The following UQCC1 variants were observed in gnomAD, a reference collection of about 807,000 sequenced individuals.
The protein encoded by UQCC1 is ubiquinol-cytochrome c reductase complex assembly factor 1.
In UQCC1, 38 loss-of-function variants were observed where a neutral mutation model predicts 48.0. The observed-to-expected ratio is 0.79, with a 90% CI of 0.61 to 1.04. The LOEUF (loss-of-function observed/expected upper bound fraction) is 1.04. UQCC1 is among the 50% of genes least tolerant of loss of function. The probability of loss-of-function intolerance (pLI) is 0.00; values close to 1 mark genes in which losing one functional copy is unlikely to be tolerated. For synonymous variants in UQCC1, 111 were observed against 129.2 expected, an observed-to-expected ratio of 0.86 and a Z score of 0.95; for missense variants, 368 against 381.8, an observed-to-expected ratio of 0.96 and a Z score of 0.30.
At chr20:35,381,769 T>C (rs1020843223) in intron 4 of UQCC1, 149 bp downstream of exon 4, 2 of 615,172 alleles carry the variant, frequency 3.3e-6, no homozygotes, top group Non-Finnish European at 5.9e-6. Context: ...TGGTGATCAA[T>C]GGGGTGACAG....
rs748473219 is a variant in UQCC1, at chr20:35,306,659, C to T, written c.765+7G>A. The T allele has an allele frequency of 1.1e-4, 173 of 1,610,236 alleles. No individual in the cohort carries two copies. The highest frequency in any genetic ancestry group is 1.7e-4 in the Admixed American group (10 of 59,978). ...GGACTTGGGAGGGGAGGGAAAGGGT[C>T]ACTCACCTGTTTCCTCACATACTCT... On this transcript the variant is annotated splice_region_variant and intron_variant, in intron 9 of 9. Coordinates refer to ENST00000374385, the MANE Select transcript of UQCC1 (RefSeq NM_018244.5).
intron 6 of UQCC1, among the ~76,000 whole-genome samples, chr20:35,348,842 C>T (rs1029713912): frequency 9.9e-5 from 15 of 152,130 alleles, no homozygotes; most frequent in South Asian, 2.1e-4. Context: ...TTTGTAGAGA[C>T]GGGGGTCTCA....
intron 8 of UQCC1, chr20:35,309,089 G>A (rs1600849168): frequency 2.2e-6 from 1 of 454,072 alleles, no homozygotes; most frequent in East Asian, 7.0e-5. Flanking sequence ...GAACCAGCAT[G>A]CATTGATGAG....
At chr20:35,361,805 G>GTAAA (rs1263423790) in intron 6 of UQCC1, among the ~76,000 whole-genome samples, 1 of 152,082 alleles carries the variant, frequency 6.6e-6, no homozygotes, top group Non-Finnish European at 1.5e-5. Flanking sequence ...AATAATGTAT[G>GTAAA]TAAATAAATA....
At chr20:35,314,416 A>G (rs2061033624) in intron 8 of UQCC1, among the ~76,000 whole-genome samples, 1 of 152,098 alleles carries the variant, frequency 6.6e-6, no homozygotes, top group African/African-American at 2.4e-5. Context: ...CTGTCCCTCC[A>G]TCCAGCACCC....
rs1199768843 is a variant in UQCC1 at position 35,310,644 on chromosome 20, C to CAAAA, written c.652-3869_652-3866dup. Among the ~76,000 whole-genome samples the CAAAA allele has an allele frequency of 9.5e-4, 42 of 44,110 alleles. 1 individual carries two copies. Among genetic ancestry groups the CAAAA allele is most frequent in the South Asian group, 2.4e-3 (2 of 820 alleles). The allele number at this position is 44,110 out of a possible 152,430, so 28.9% of individuals were successfully genotyped here. A position where few individuals can be genotyped will look rare whatever the true frequency, so the allele number is the denominator to read the frequency against. Reference sequence around the variant, plus strand: ...CTGGCAACAGAGTGAGACTCTGTCTCAAAAAAAAAAAAAAAAAAAAAAAAT... The same window carrying CAAAA: ...CTGGCAACAGAGTGAGACTCTGTCTCAAAAAAAAAAAAAAAAAAAAAAAAAAAAT... On this transcript the variant is annotated intron_variant, in intron 8 of 9. Coordinates refer to ENST00000374385, the MANE Select transcript of UQCC1 (RefSeq NM_018244.5).
chr20:35,361,866 TGAC>T (rs2061609652), intron 6 of UQCC1, among the ~76,000 whole-genome samples: 2 of 152,256 alleles, frequency 1.3e-5, no homozygotes, highest in Non-Finnish European at 1.5e-5. Flanking sequence ...ATGAAATACC[TGAC>T]TTTAAAATAA....
intron 1 of UQCC1, among the ~76,000 whole-genome samples, chr20:35,407,745 G>A (rs1199629253): frequency 6.6e-6 from 1 of 152,122 alleles, no homozygotes; most frequent in Non-Finnish European, 1.5e-5. Context: ...ATTTAAGGCT[G>A]GGCGTGGTGG....
chr20:35,324,142 A>G (rs1051504112), intron 7 of UQCC1, among the ~76,000 whole-genome samples: 29 of 152,228 alleles, frequency 1.9e-4, no homozygotes, highest in African/African-American at 3.1e-4. Context: ...GAGACTATAC[A>G]TAAGTTCCTA....
intron 6 of UQCC1, among the ~76,000 whole-genome samples, chr20:35,353,394 T>TAA (rs199996426): frequency 1.7e-5 from 2 of 119,626 alleles, no homozygotes; most frequent in South Asian, 2.6e-4. Context: ...AGACTCTACC[T>TAA]AAAAAAAAAA....
intron 6 of UQCC1, among the ~76,000 whole-genome samples, chr20:35,362,416 G>A (rs1350295411): frequency 6.6e-6 from 1 of 152,142 alleles, no homozygotes; most frequent in East Asian, 1.9e-4. Flanking sequence ...GGAGTGCGTG[G>A]CGCCATCTCG....
At position 35,337,221 on chromosome 20, in the gene UQCC1, C is replaced by T. The variant is rs2061325118; in HGVS notation, c.573+9943G>A. Among the ~76,000 whole-genome samples the T allele has an allele frequency of 1.3e-5, 2 of 150,198 alleles. 1 individual carries two copies. Among genetic ancestry groups the T allele is most frequent in the South Asian group, 4.2e-4 (2 of 4,790 alleles). ...TTTTTTTTTTTGAGACAGAGTCTTG[C>T]TCTGTCGCCCAGGCTAGAGTGCAAA... is the stretch of plus-strand genomic sequence containing the variant. On this transcript the variant is annotated intron_variant, in intron 7 of 9. Transcript: ENST00000374385.
intron 7 of UQCC1, among the ~76,000 whole-genome samples, chr20:35,341,314 C>T (rs1429106331): frequency 6.6e-6 from 1 of 151,464 alleles, no homozygotes; most frequent in Non-Finnish European, 1.5e-5. Flanking sequence ...CAAGTAATTC[C>T]ATTAGAAGAT....
At chr20:35,391,889 C>T (rs1403499658) in intron 2 of UQCC1, among the ~76,000 whole-genome samples, 2 of 152,112 alleles carry the variant, frequency 1.3e-5, no homozygotes, top group African/African-American at 4.8e-5. Context: ...ACAACTCTTA[C>T]ATAAGTCTAA....
intron 7 of UQCC1, among the ~76,000 whole-genome samples, chr20:35,325,688 T>C (rs1228188963): frequency 6.6e-6 from 1 of 152,174 alleles, no homozygotes; most frequent in African/African-American, 2.4e-5. Flanking sequence ...GCACGTTGTA[T>C]GTACAAAACG....
intron 7 of UQCC1, among the ~76,000 whole-genome samples, chr20:35,321,018 G>A (rs749853049): frequency 6.6e-6 from 1 of 152,192 alleles, no homozygotes; most frequent in Non-Finnish European, 1.5e-5. Flanking sequence ...GTCATTGTGC[G>A]GCAACAGGCT....
chr20:35,388,308 T>TTTTTTG lies in UQCC1; in HGVS notation c.130-4176_130-4175insCAAAAA, dbSNP rs67663221. ...TTCTATTTCTTTTTTTCTTTTTTTT[T>TTTTTTG]GAGACAGGGTCTTGCTCTGTCACCC... is the stretch of plus-strand genomic sequence containing the variant. On this transcript the variant is annotated intron_variant, in intron 2 of 9. Coordinates refer to ENST00000374385, the MANE Select transcript of UQCC1 (RefSeq NM_018244.5). Among the ~76,000 whole-genome samples the TTTTTTG allele has an allele frequency of 5.8e-5, 7 of 121,244 alleles. 3 individuals carry two copies. Among genetic ancestry groups the TTTTTTG allele is most frequent in the Admixed American group, 1.9e-4 (2 of 10,672 alleles). 79.5% of individuals were successfully genotyped at this position (121,244 alleles called of 152,430 possible).
intron 7 of UQCC1, among the ~76,000 whole-genome samples, chr20:35,340,531 C>T (rs1441875011): frequency 6.6e-6 from 1 of 152,200 alleles, no homozygotes. Flanking sequence ...CCCACCCAAG[C>T]TGGAGTGTAA....
At chr20:35,318,278 G>A (rs985344236) in intron 7 of UQCC1, among the ~76,000 whole-genome samples, 4 of 152,200 alleles carry the variant, frequency 2.6e-5, no homozygotes, top group African/African-American at 9.7e-5. Flanking sequence ...CCAGAAAGAA[G>A]AGACTTATTC....
Sources: allele counts gnomAD v4.1 joint callset (sites outside exome capture counted in the v4.1 genomes callset), GRCh38; gene constraint gnomAD v4.1.1; transcripts MANE v1.5; gene names NCBI Gene and HGNC (gene_info 2026-07-23, HGNC 2026-07-21).